LMO4: variants seen among roughly 807,000 people sequenced by gnomAD.
The protein encoded by LMO4 is LIM domain transcription factor LMO4.
In LMO4, 3 loss-of-function variants were observed where a neutral mutation model predicts 18.5. The ratio of observed to expected loss-of-function variants is 0.16; its 90% CI spans 0.07 to 0.42. LMO4 has a LOEUF of 0.42. LMO4 is among the 10% of genes least tolerant of loss of function. The pLI is 0.99. For missense variants in LMO4, 121 were observed against 219.9 expected (o/e 0.55, Z 2.84); for synonymous variants, 100 against 88.1 (o/e 1.14, Z -0.76).
At position 87,348,509 on chromosome 1, in the gene LMO4, G is replaced by A. The variant is rs569451708; in HGVS notation, c.*3713G>A. 8.5e-6 allele frequency: 3 copies of A among 351,224 alleles called. No individual in the cohort carries two copies. The East Asian group carries it at 2.2e-4, about 26-fold the overall frequency. 21.8% of individuals were successfully genotyped at this position (351,224 alleles called of 1,614,324 possible). A position where few individuals can be genotyped will look rare whatever the true frequency, so the allele number is the denominator to read the frequency against. On this transcript the variant is annotated 3_prime_UTR_variant, in exon 5 of 5. Coordinates refer to ENST00000370544, the MANE Select transcript of LMO4 (RefSeq NM_006769.4). ...ATTTTAGATTGGCAGTGCTCTGAACGCATGTTAAACAGCCAGCTACTCCCA... is the reference window on the plus strand; with the variant it reads ...ATTTTAGATTGGCAGTGCTCTGAACACATGTTAAACAGCCAGCTACTCCCA...
chr1:87,340,009 T>A, intron 3 of LMO4, 38 bp from the exon 4 acceptor site: 1 of 1,602,710 alleles, frequency 6.2e-7, no homozygotes, highest in Non-Finnish European at 8.5e-7. Flanking sequence ...AGACTTAATT[T>A]TTACCTTGTT....
intron 2 of LMO4, among the ~76,000 whole-genome samples, chr1:87,338,023 G>A (rs187529237): frequency 1.1e-4 from 17 of 152,308 alleles, no homozygotes; most frequent in East Asian, 9.6e-4. Flanking sequence ...TCTTCAAATC[G>A]ATGCTGCTGC....
In LMO4 at chr1:87,348,585, TG is replaced by T. The variant is rs1190417339; in HGVS notation, c.*3790del. 9.4e-6 allele frequency: 4 copies of T among 424,682 alleles called. No homozygotes were observed. Among genetic ancestry groups the T allele is most frequent in the African/African-American group, 6.1e-5 (3 of 49,516 alleles). 26.3% of individuals were successfully genotyped at this position (424,682 alleles called of 1,614,324 possible). ...CAGCAAAGTGTAGCACATTCGCCGATGCTGGGTACCTAGTTAAAGAGGCATT... is the reference window on the plus strand; with the variant it reads ...CAGCAAAGTGTAGCACATTCGCCGATCTGGGTACCTAGTTAAAGAGGCATT... On this transcript the variant is annotated 3_prime_UTR_variant, in exon 5 of 5. Coordinates refer to ENST00000370544, the MANE Select transcript of LMO4 (RefSeq NM_006769.4).
At chr1:87,337,517 C>G (rs10873830) in intron 2 of LMO4, among the ~76,000 whole-genome samples, 9 of 151,998 alleles carry the variant, frequency 5.9e-5, no homozygotes, top group Non-Finnish European at 1.2e-4. Context: ...TAAAATACTT[C>G]AGGGTTGCTG....
intron 2 of LMO4, among the ~76,000 whole-genome samples, chr1:87,335,466 G>T (rs998670491): frequency 1.1e-4 from 16 of 151,810 alleles, no homozygotes; most frequent in South Asian, 2.1e-4. Flanking sequence ...ACGAGGGGGC[G>T]AGCGCAGGGC....
chr1:87,345,855 A>G lies in LMO4; in HGVS notation c.*1059A>G, dbSNP rs1015125354. ...TTCGTTACACTTCTATATCACAGTA[A>G]GTCTTTTGTGTTTATAAATACTTGA... On this transcript the variant is annotated 3_prime_UTR_variant, in exon 5 of 5. Coordinates refer to ENST00000370544, the MANE Select transcript of LMO4 (RefSeq NM_006769.4). The G allele has an allele frequency of 3.9e-5, 6 of 152,192 alleles. No homozygotes were observed. Among genetic ancestry groups the G allele is most frequent in the African/African-American group, 1.4e-4 (6 of 41,434 alleles). 9.4% of individuals were successfully genotyped at this position (152,192 alleles called of 1,614,324 possible). A position where few individuals can be genotyped will look rare whatever the true frequency, so the allele number is the denominator to read the frequency against.
At chr1:87,336,158 C>T (rs1253659006) in intron 2 of LMO4, among the ~76,000 whole-genome samples, 5 of 152,134 alleles carry the variant, frequency 3.3e-5, no homozygotes, top group African/African-American at 9.7e-5. Flanking sequence ...TTCTGGGTTG[C>T]ATTTCTTTGT....
In LMO4 at chr1:87,329,564, T is replaced by G. The variant is rs551533546; in HGVS notation, c.-4+320T>G. On this transcript the variant is annotated intron_variant, in intron 1 of 4. Coordinates refer to ENST00000370544, the MANE Select transcript of LMO4 (RefSeq NM_006769.4). ...AAGGGAAAGGCAAGGGGTGCTTAGATGAGGATTTTAAGTATGAGAAGTAGT... is the reference window on the plus strand; with the variant it reads ...AAGGGAAAGGCAAGGGGTGCTTAGAGGAGGATTTTAAGTATGAGAAGTAGT... Among the ~76,000 whole-genome samples, 3 of 122,646 alleles carry G rather than the reference T, an allele frequency of 2.4e-5. No homozygotes were observed. The South Asian group carries it at 7.4e-4, about 30-fold the overall frequency. 80.5% of individuals were successfully genotyped at this position (122,646 alleles called of 152,430 possible). A position where few individuals can be genotyped will look rare whatever the true frequency, so the allele number is the denominator to read the frequency against.
rs1650628552 is a variant in LMO4, at chr1:87,346,440, G to A, written c.*1644G>A. The A allele has an allele frequency of 6.6e-6, 1 of 152,182 alleles. No individual in the cohort carries two copies. Among genetic ancestry groups the A allele is most frequent in the Non-Finnish European group, 1.5e-5 (1 of 68,042 alleles). The allele number at this position is 152,182 out of a possible 1,614,324, so 9.4% of individuals were successfully genotyped here. A position where few individuals can be genotyped will look rare whatever the true frequency, so the allele number is the denominator to read the frequency against. On this transcript the variant is annotated 3_prime_UTR_variant, in exon 5 of 5. Transcript: ENST00000370544. ...ATTTCAACTACAACTTCCATCACAG[G>A]CTAATAAAACCAGGTGTGTGAACGC...
intron 3 of LMO4, among the ~76,000 whole-genome samples, 181 bp downstream of exon 3, chr1:87,339,813 C>A (rs1650421574): frequency 2.0e-5 from 3 of 152,140 alleles, no homozygotes; most frequent in Non-Finnish European, 4.4e-5. Context: ...CCACGCTTCC[C>A]CTATGCCACA....
chr1:87,348,865 G>T lies in LMO4; in HGVS notation c.*4069G>T. 2.2e-6 allele frequency: 1 copy of T among 459,944 alleles called. No individual in the cohort carries two copies. Among genetic ancestry groups the T allele is most frequent in the South Asian group, 1.5e-5 (1 of 64,956 alleles). 28.5% of individuals were successfully genotyped at this position (459,944 alleles called of 1,614,324 possible). A position where few individuals can be genotyped will look rare whatever the true frequency, so the allele number is the denominator to read the frequency against. ...ACAGGCCCTGACATGTTACAGCTGT[G>T]TAAACAGGGCCATTCTATTTCCTAA... On this transcript the variant is annotated 3_prime_UTR_variant, in exon 5 of 5. Transcript: ENST00000370544.
intron 4 of LMO4, among the ~76,000 whole-genome samples, chr1:87,343,159 C>G (rs1650540715): frequency 6.6e-6 from 1 of 152,186 alleles, no homozygotes. Flanking sequence ...ACATAGGCCC[C>G]CATTGTCTGG....
chr1:87,338,049 G>T (rs1650362904), intron 2 of LMO4, among the ~76,000 whole-genome samples: 1 of 152,004 alleles, frequency 6.6e-6, no homozygotes, highest in African/African-American at 2.4e-5. Context: ...TTGTTTCTCG[G>T]GCTTCCTATT....
rs1650657959 is a variant in LMO4 at position 87,347,132 on chromosome 1, T to G, written c.*2336T>G. ...CACTGCTGCGTATTTAATAATGAGCTTCTAAAAGCATTTCTTAAGTTGCAG... is the reference window on the plus strand; with the variant it reads ...CACTGCTGCGTATTTAATAATGAGCGTCTAAAAGCATTTCTTAAGTTGCAG... On this transcript the variant is annotated 3_prime_UTR_variant, in exon 5 of 5. Coordinates refer to ENST00000370544, the MANE Select transcript of LMO4 (RefSeq NM_006769.4). 6.6e-6 allele frequency: 1 copy of G among 152,190 alleles called. No homozygotes were observed. 9.4% of individuals were successfully genotyped at this position (152,190 alleles called of 1,614,324 possible).
chr1:87,344,853 G>T lies in LMO4; in HGVS notation c.*57G>T. The T allele has an allele frequency of 6.4e-7, 1 of 1,571,882 alleles. No homozygotes were observed. The highest frequency in any genetic ancestry group is 8.8e-7 in the Non-Finnish European group (1 of 1,141,968). ...ATCTCAGATTTGTTCATCACAGGTGGATCCCATGTGTCTTCAGTAGACAAG... is the reference window on the plus strand; with the variant it reads ...ATCTCAGATTTGTTCATCACAGGTGTATCCCATGTGTCTTCAGTAGACAAG... On this transcript the variant is annotated 3_prime_UTR_variant, in exon 5 of 5. Coordinates refer to ENST00000370544, the MANE Select transcript of LMO4 (RefSeq NM_006769.4).
intron 2 of LMO4, among the ~76,000 whole-genome samples, chr1:87,335,215 T>C (rs889344386): frequency 8.5e-5 from 13 of 152,288 alleles, no homozygotes; most frequent in African/African-American, 3.1e-4. Flanking sequence ...CCGTTTCTCT[T>C]CCTCGAACCG....
rs759632034 is a variant in LMO4 at position 87,345,092 on chromosome 1, G to T, written c.*296G>T. The T allele has an allele frequency of 2.4e-4, 89 of 366,120 alleles. No individual in the cohort carries two copies. Among genetic ancestry groups the T allele is most frequent in the Non-Finnish European group, 3.7e-4 (75 of 204,408 alleles). 22.7% of individuals were successfully genotyped at this position (366,120 alleles called of 1,614,324 possible). A position where few individuals can be genotyped will look rare whatever the true frequency, so the allele number is the denominator to read the frequency against. On this transcript the variant is annotated 3_prime_UTR_variant, in exon 5 of 5. Transcript: ENST00000370544. ...GGAGGGAGCTGGGGGGGAGGGAAAT[G>T]ACTAATGAAGCTAATTAAAAGAAGC...
At chr1:87,342,577 A>AG (rs1650527753) in intron 4 of LMO4, among the ~76,000 whole-genome samples, 1 of 152,162 alleles carries the variant, frequency 6.6e-6, no homozygotes, top group African/African-American at 2.4e-5. Context: ...AAAAGGCATA[A>AG]GGAAATACAA....
intron 2 of LMO4, among the ~76,000 whole-genome samples, chr1:87,332,757 G>T (rs1002139013): frequency 6.6e-6 from 1 of 152,118 alleles, no homozygotes; most frequent in Admixed American, 6.5e-5. Flanking sequence ...GCTGTGATTC[G>T]TTCTTTGTGC....
Sources: gnomAD v4.1 joint callset for allele counts (sites outside exome capture counted in the v4.1 genomes callset) on GRCh38, gnomAD v4.1.1 for gene constraint, MANE v1.5 for transcripts, NCBI Gene and HGNC (gene_info 2026-07-23, HGNC 2026-07-21) for gene names.